Variants in KIAA0825 observed in about 807,000 individuals in gnomAD.
KIAA0825 encodes uncharacterized protein KIAA0825.
Under a neutral mutation model 147.6 loss-of-function variants are expected in KIAA0825, and 119 were observed. The ratio of observed to expected loss-of-function variants is 0.81; its 90% CI spans 0.69 to 0.94. The LOEUF is 0.94. Among genes scored for constraint, KIAA0825 ranks in the 40% least tolerant of loss-of-function variants. The probability of loss-of-function intolerance (pLI) is 0.00; values close to 1 mark genes in which losing one functional copy is unlikely to be tolerated. For missense variants in KIAA0825, 1,381 were observed against 1,472.7 expected (o/e 0.94, Z 1.02); for synonymous variants, 470 against 518.1 (o/e 0.91, Z 1.26).
chr5:94,301,205 G>T (rs907984705), intron 20 of KIAA0825, among the ~76,000 whole-genome samples: 1 of 152,024 alleles, frequency 6.6e-6, no homozygotes, highest in African/African-American at 2.4e-5. Flanking sequence ...GAAAGAAAAC[G>T]TGTGTAAATT....
chr5:94,176,610 C>A (rs998991428), intron 20 of KIAA0825, among the ~76,000 whole-genome samples: 2 of 151,944 alleles, frequency 1.3e-5, no homozygotes, highest in East Asian at 1.9e-4. Context: ...GAGGGTCTTA[C>A]CTAAACAATT....
chr5:94,329,540 G>A (rs1425446956), intron 20 of KIAA0825, among the ~76,000 whole-genome samples: 3 of 152,082 alleles, frequency 2.0e-5, no homozygotes, highest in Non-Finnish European at 4.4e-5. Flanking sequence ...ATTTTGAAAT[G>A]TAGAGTTCTG....
chr5:94,274,640 T>C (rs2150146978), intron 20 of KIAA0825, among the ~76,000 whole-genome samples: 2 of 152,248 alleles, frequency 1.3e-5, no homozygotes, highest in African/African-American at 4.8e-5. Flanking sequence ...GCTAATAATC[T>C]ATAAAACCTT....
chr5:94,263,989 C>T (rs929735320), intron 20 of KIAA0825, among the ~76,000 whole-genome samples: 1 of 152,170 alleles, frequency 6.6e-6, no homozygotes, highest in Non-Finnish European at 1.5e-5. Context: ...TCTACCTTCT[C>T]ACCATAATGA....
intron 20 of KIAA0825, among the ~76,000 whole-genome samples, chr5:94,217,947 A>G (rs1015103536): frequency 1.3e-5 from 2 of 152,174 alleles, no homozygotes; most frequent in Non-Finnish European, 2.9e-5. Flanking sequence ...TAGTATTACA[A>G]TCATAAAGCT....
At chr5:94,223,820 T>C (rs984371410) in intron 20 of KIAA0825, among the ~76,000 whole-genome samples, 1 of 152,110 alleles carries the variant, frequency 6.6e-6, no homozygotes, top group Non-Finnish European at 1.5e-5. Flanking sequence ...AATATGAATG[T>C]TTTCTAATGG....
In KIAA0825 at chr5:94,447,588, C is replaced by A. The variant is rs73145010; in HGVS notation, c.2357+5371G>T. Among the ~76,000 whole-genome samples the A allele has an allele frequency of 8.7e-3, 1,330 of 152,146 alleles. 17 individuals carry two copies. The highest frequency in any genetic ancestry group is 0.031 in the African/African-American group (1,274 of 41,508). ...ATGTCATTGCCTGCCTCTTTCTTCA[C>A]CATTGACACCTAGCATAATGCCTTA... On this transcript the variant is annotated intron_variant, in intron 13 of 20. Coordinates refer to ENST00000682413, the MANE Select transcript of KIAA0825 (RefSeq NM_001145678.3).
chr5:94,605,229 C>T (rs932787909), intron 1 of KIAA0825, among the ~76,000 whole-genome samples: 12 of 151,996 alleles, frequency 7.9e-5, no homozygotes, highest in African/African-American at 2.9e-4. Context: ...AAATTAAATC[C>T]CTGAACAGAA....
At chr5:94,445,954 C>T (rs984355998) in intron 13 of KIAA0825, among the ~76,000 whole-genome samples, 3 of 152,140 alleles carry the variant, frequency 2.0e-5, no homozygotes, top group East Asian at 3.9e-4. Context: ...AGCACAAGAT[C>T]GCTAAGCTCT....
At chr5:94,311,373 G>C (rs1779160260) in intron 20 of KIAA0825, among the ~76,000 whole-genome samples, 1 of 151,342 alleles carries the variant, frequency 6.6e-6, no homozygotes, top group Non-Finnish European at 1.5e-5. Context: ...ATATGGTCTT[G>C]TTCAAACCTA....
At chr5:94,522,679 C>A (rs1197453025) in intron 4 of KIAA0825, among the ~76,000 whole-genome samples, 3 of 151,492 alleles carry the variant, frequency 2.0e-5, no homozygotes, top group Admixed American at 2.0e-4. Flanking sequence ...ATAATAAGGT[C>A]ATTTAAATCT....
At chr5:94,204,298 G>C (rs1318088857) in intron 20 of KIAA0825, among the ~76,000 whole-genome samples, 1 of 152,102 alleles carries the variant, frequency 6.6e-6, no homozygotes, top group Admixed American at 6.5e-5. Flanking sequence ...TTCTCTTTCA[G>C]AGTTCAAGTT....
intron 20 of KIAA0825, among the ~76,000 whole-genome samples, chr5:94,277,136 T>A (rs1485824339): frequency 1.3e-5 from 2 of 152,168 alleles, no homozygotes; most frequent in Admixed American, 1.3e-4. Context: ...TCTCATTTGA[T>A]ACTCTGTTTT....
chr5:94,360,478 A>G (rs1471646522), intron 20 of KIAA0825, among the ~76,000 whole-genome samples: 1 of 152,170 alleles, frequency 6.6e-6, no homozygotes, highest in African/African-American at 2.4e-5. Flanking sequence ...AGGTTGGCAC[A>G]AGATACAGGT....
At chr5:94,188,139 C>CT (rs1296099650) in intron 20 of KIAA0825, among the ~76,000 whole-genome samples, 1 of 152,150 alleles carries the variant, frequency 6.6e-6, no homozygotes, top group Non-Finnish European at 1.5e-5. Flanking sequence ...CCTGGCCAGG[C>CT]TAGCACCCTG....
At chr5:94,351,227 C>G (rs1054091240) in intron 20 of KIAA0825, among the ~76,000 whole-genome samples, 1 of 152,168 alleles carries the variant, frequency 6.6e-6, no homozygotes, top group Non-Finnish European at 1.5e-5. Context: ...AGCAAAGTTT[C>G]TGGATACAAG....
chr5:94,473,555 T>C (rs2150999257), intron 7 of KIAA0825, 36 bp from the exon 8 acceptor site: 1 of 1,256,648 alleles, frequency 8.0e-7, no homozygotes, highest in Non-Finnish European at 1.1e-6. Context: ...ATGTTAATCT[T>C]AACTCAGCAA....
rs1442358772 is a variant in KIAA0825, at chr5:94,520,895, T to C, written c.323A>G (p.Gln108Arg). Reference protein sequence around the residue: ...KTLQDLLKNEQNQEEMTLDLL... With the variant: ...KTLQDLLKNERNQEEMTLDLL... ...ATCCAATGTCATTTCTTCTTGATTT[T>C]GTTCATTCTTCAACAAATCTTGCTA... Residue 108 changes from glutamine to arginine, a missense_variant, in exon 5 of 21, where the codon CAA (glutamine) becomes CGA (arginine). Gln to Arg is a conservative substitution (Grantham distance 43, BLOSUM62 1). Coordinates refer to ENST00000682413, the MANE Select transcript of KIAA0825 (RefSeq NM_001145678.3). 5.0e-6 allele frequency: 8 copies of C among 1,600,860 alleles called. No homozygotes were observed. The highest frequency in any genetic ancestry group is 3.3e-4 in the Middle Eastern group (2 of 6,044).
At chr5:94,373,448 AG>A (rs1747044058) in intron 20 of KIAA0825, among the ~76,000 whole-genome samples, 1 of 152,194 alleles carries the variant, frequency 6.6e-6, no homozygotes, top group South Asian at 2.1e-4. Flanking sequence ...TAAAGGAAAG[AG>A]GTTTAATTGA....
Sources: allele counts gnomAD v4.1 joint callset (sites outside exome capture counted in the v4.1 genomes callset), GRCh38; gene constraint gnomAD v4.1.1; transcripts MANE v1.5; gene names NCBI Gene and HGNC (gene_info 2026-07-23, HGNC 2026-07-21).